Variants in NTNG1 observed in about 807,000 individuals in gnomAD.
NTNG1 encodes the protein netrin G1.
In NTNG1, 16 loss-of-function variants were observed where a neutral mutation model predicts 54.0. The observed-to-expected ratio is 0.30, with a 90% CI of 0.20 to 0.45. The LOEUF (loss-of-function observed/expected upper bound fraction) is 0.45, where lower values mean the gene tolerates loss of function less well. Ranked by LOEUF, NTNG1 falls within the 20% of genes least tolerant of loss-of-function variation. NTNG1 has a pLI of 1.00. For synonymous variants in NTNG1, 255 were observed against 263.1 expected, an observed-to-expected ratio of 0.97 and a Z score of 0.30; for missense variants, 530 against 678.7, an observed-to-expected ratio of 0.78 and a Z score of 2.43.
intron 6 of NTNG1, among the ~76,000 whole-genome samples, chr1:107,432,805 CTCT>C (rs1250693837): frequency 2.0e-5 from 3 of 152,034 alleles, no homozygotes; most frequent in Non-Finnish European, 4.4e-5. Context: ...CATAAAATTT[CTCT>C]TATCAGGTAA....
intron 3 of NTNG1, among the ~76,000 whole-genome samples, chr1:107,377,832 A>C (rs994565184): frequency 6.6e-6 from 1 of 152,252 alleles, no homozygotes; most frequent in East Asian, 1.9e-4. Context: ...CTAACCAGAA[A>C]GCTTACCATC....
intron 2 of NTNG1, among the ~76,000 whole-genome samples, chr1:107,193,022 A>C (rs984555621): frequency 6.6e-6 from 1 of 152,074 alleles, no homozygotes; most frequent in Non-Finnish European, 1.5e-5. Context: ...AATGATTATG[A>C]ATCAAAATAT....
intron 3 of NTNG1, among the ~76,000 whole-genome samples, chr1:107,348,375 C>T (rs1669391810): frequency 1.3e-5 from 2 of 152,148 alleles, no homozygotes; most frequent in African/African-American, 2.4e-5. Context: ...ATATGCTCAC[C>T]TCGGCCTCCC....
intron 3 of NTNG1, among the ~76,000 whole-genome samples, chr1:107,364,824 T>C (rs573844234): frequency 2.0e-5 from 3 of 152,306 alleles, no homozygotes; most frequent in Non-Finnish European, 2.9e-5. Flanking sequence ...TGTAGTAAAA[T>C]ACAGAACCAA....
intron 3 of NTNG1, among the ~76,000 whole-genome samples, chr1:107,376,423 A>AT (rs1553235272): frequency 2.6e-5 from 4 of 151,272 alleles, no homozygotes; most frequent in Non-Finnish European, 5.9e-5. Flanking sequence ...AAAACAAAAA[A>AT]AAAAACAAAA....
At position 107,482,327 on chromosome 1, in the gene NTNG1, T is replaced by G. The variant is rs1446527772; in HGVS notation, c.*1487T>G. On this transcript the variant is annotated 3_prime_UTR_variant, in exon 8 of 8. Coordinates refer to ENST00000370068, the MANE Select transcript of NTNG1 (RefSeq NM_001113226.3). ...TTGAATATATTCAGACTTAAGTATT[T>G]AGAGGAAATATCAAAATATAAAGCA... 1 of 152,208 alleles carries G rather than the reference T, an allele frequency of 6.6e-6. No individual in the cohort carries two copies. The highest frequency in any genetic ancestry group is 2.4e-5 in the African/African-American group (1 of 41,452). 9.4% of individuals were successfully genotyped at this position (152,208 alleles called of 1,614,324 possible).
intron 2 of NTNG1, among the ~76,000 whole-genome samples, chr1:107,213,336 G>A (rs954448016): frequency 6.6e-6 from 1 of 152,108 alleles, no homozygotes; most frequent in Non-Finnish European, 1.5e-5. Flanking sequence ...TCGTGTTAAA[G>A]GACATATTAT....
intron 2 of NTNG1, among the ~76,000 whole-genome samples, chr1:107,173,842 A>G (rs2101102340): frequency 6.6e-6 from 1 of 151,746 alleles, no homozygotes; most frequent in East Asian, 1.9e-4. Flanking sequence ...CCTGGAAGGT[A>G]GATTTGATTT....
chr1:107,257,621 G>A (rs1183814629), intron 2 of NTNG1, among the ~76,000 whole-genome samples: 4 of 152,242 alleles, frequency 2.6e-5, no homozygotes, highest in South Asian at 2.1e-4. Context: ...CCAAAAATAC[G>A]CAGCCAATTT....
At chr1:107,176,818 C>T (rs1426942629) in intron 2 of NTNG1, among the ~76,000 whole-genome samples, 1 of 152,078 alleles carries the variant, frequency 6.6e-6, no homozygotes, top group Non-Finnish European at 1.5e-5. Context: ...CTTTTTATCT[C>T]TCATATAAAC....
At chr1:107,469,899 C>T (rs915206372) in intron 7 of NTNG1, among the ~76,000 whole-genome samples, 3 of 151,914 alleles carry the variant, frequency 2.0e-5, no homozygotes, top group Admixed American at 1.3e-4. Flanking sequence ...TTAAATTCAA[C>T]TTTGATCCCC....
intron 2 of NTNG1, among the ~76,000 whole-genome samples, chr1:107,212,530 T>C (rs1659664823): frequency 6.6e-6 from 1 of 152,196 alleles, no homozygotes; most frequent in Non-Finnish European, 1.5e-5. Context: ...TGAACAGTAA[T>C]GTCAAGCCAT....
At chr1:107,189,299 C>T (rs558910183) in intron 2 of NTNG1, among the ~76,000 whole-genome samples, 6 of 139,860 alleles carry the variant, frequency 4.3e-5, no homozygotes, top group Admixed American at 2.4e-4. Flanking sequence ...TGCAGTGAAC[C>T]GAGATCAGGC....
At chr1:107,341,805 A>C (rs1400636819) in intron 3 of NTNG1, among the ~76,000 whole-genome samples, 2 of 152,096 alleles carry the variant, frequency 1.3e-5, no homozygotes, top group Non-Finnish European at 2.9e-5. Flanking sequence ...ATGAATTTTT[A>C]GTTCTATTTC....
chr1:107,372,964 G>C (rs914540663), intron 3 of NTNG1, among the ~76,000 whole-genome samples: 2 of 151,972 alleles, frequency 1.3e-5, no homozygotes, highest in Non-Finnish European at 2.9e-5. Context: ...AGCTTCCTTC[G>C]GGTTAGTGTT....
chr1:107,221,840 T>C (rs1314440265), intron 2 of NTNG1, among the ~76,000 whole-genome samples: 2 of 152,270 alleles, frequency 1.3e-5, no homozygotes, highest in East Asian at 1.9e-4. Context: ...GGGGAATATA[T>C]GTATCCTTGA....
chr1:107,234,036 T>A (rs1224778922), intron 2 of NTNG1, among the ~76,000 whole-genome samples: 4 of 152,186 alleles, frequency 2.6e-5, no homozygotes, highest in Non-Finnish European at 5.9e-5. Context: ...TAGTTATCGA[T>A]TTTTACCTTT....
intron 5 of NTNG1, among the ~76,000 whole-genome samples, chr1:107,416,754 T>C (rs1356259800): frequency 6.6e-6 from 1 of 152,050 alleles, no homozygotes; most frequent in Non-Finnish European, 1.5e-5. Context: ...TAATAAATCA[T>C]ACCAGTACTT....
At chr1:107,340,945 A>T (rs142164976) in intron 3 of NTNG1, among the ~76,000 whole-genome samples, 1 of 152,200 alleles carries the variant, frequency 6.6e-6, no homozygotes, top group Admixed American at 6.6e-5. Context: ...TAAACTAAGT[A>T]GTGGTTATTA....
Sources: gnomAD v4.1 joint callset for allele counts (sites outside exome capture counted in the v4.1 genomes callset) on GRCh38, gnomAD v4.1.1 for gene constraint, MANE v1.5 for transcripts, NCBI Gene and HGNC (gene_info 2026-07-23, HGNC 2026-07-21) for gene names.